The following ZFPM2 variants were observed in gnomAD, a reference collection of about 807,000 sequenced individuals.
The protein encoded by ZFPM2 is zinc finger protein, FOG family member 2, also known as zinc finger protein ZFPM2.
Under a neutral mutation model 98.6 loss-of-function variants are expected in ZFPM2, and 20 were observed. The observed-to-expected ratio is 0.20, with a 90% CI of 0.14 to 0.29. The LOEUF is 0.29. ZFPM2 is among the 10% of genes least tolerant of loss of function. The probability of loss-of-function intolerance (pLI) is 1.00; values close to 1 mark genes in which losing one functional copy is unlikely to be tolerated. For missense variants in ZFPM2, 1,310 were observed against 1,388.6 expected (o/e 0.94, Z 0.90); for synonymous variants, 518 against 502.7 (o/e 1.03, Z -0.41).
At chr8:105,789,073 T>A (rs1437613467) in intron 6 of ZFPM2, 149 bp downstream of exon 6, 1 of 669,906 alleles carries the variant, frequency 1.5e-6, no homozygotes, top group East Asian at 2.8e-5. Flanking sequence ...ATATTTAATT[T>A]GAGAAAATGA....
intron 4 of ZFPM2, among the ~76,000 whole-genome samples, chr8:105,617,885 A>G (rs1263371415): frequency 6.6e-6 from 1 of 152,176 alleles, no homozygotes; most frequent in Non-Finnish European, 1.5e-5. Flanking sequence ...AAAATATTAA[A>G]AAGTATTCGC....
At chr8:105,482,245 C>G (rs1221020516) in intron 3 of ZFPM2, among the ~76,000 whole-genome samples, 2 of 152,164 alleles carry the variant, frequency 1.3e-5, no homozygotes, top group African/African-American at 2.4e-5. Flanking sequence ...TCTAATTACT[C>G]TATCCTTAAT....
intron 1 of ZFPM2, among the ~76,000 whole-genome samples, chr8:105,393,326 C>CTCTCTGCCTTTCTTTCTTTCTTTCTT (rs1811145229): frequency 9.4e-6 from 1 of 106,088 alleles, no homozygotes; most frequent in Non-Finnish European, 1.9e-5. Context: ...CCTTCCCTCT[C>CTCTCTGCCTTTCTTTCTTTCTTTCTT]TCTCTCTTTG....
intron 1 of ZFPM2, among the ~76,000 whole-genome samples, chr8:105,377,805 G>A (rs912276028): frequency 6.6e-6 from 1 of 151,660 alleles, no homozygotes; most frequent in Admixed American, 6.6e-5. Flanking sequence ...AAAAATGAAC[G>A]ACTGAATGAA....
intron 5 of ZFPM2, among the ~76,000 whole-genome samples, chr8:105,783,575 C>T (rs575315739): frequency 2.6e-5 from 4 of 152,246 alleles, no homozygotes; most frequent in Non-Finnish European, 5.9e-5. Flanking sequence ...TGGCAACCAC[C>T]ATTCTACTTT....
At chr8:105,377,038 C>T (rs1417064209) in intron 1 of ZFPM2, among the ~76,000 whole-genome samples, 1 of 152,174 alleles carries the variant, frequency 6.6e-6, no homozygotes, top group East Asian at 1.9e-4. Flanking sequence ...CCATGTGGCT[C>T]TTTCTCAGAC....
chr8:105,677,355 G>A (rs1810495216), intron 5 of ZFPM2, among the ~76,000 whole-genome samples: 1 of 151,944 alleles, frequency 6.6e-6, no homozygotes, highest in Non-Finnish European at 1.5e-5. Flanking sequence ...GGTTCAAAGA[G>A]GTTTAGTAAA....
chr8:105,428,991 G>T (rs1811965320), intron 2 of ZFPM2, among the ~76,000 whole-genome samples: 1 of 152,178 alleles, frequency 6.6e-6, no homozygotes. Flanking sequence ...AGCAGAGACG[G>T]AAAGTGGAAT....
chr8:105,420,188 G>A (rs1373331816), intron 2 of ZFPM2, among the ~76,000 whole-genome samples: 1 of 152,046 alleles, frequency 6.6e-6, no homozygotes, highest in Non-Finnish European at 1.5e-5. Flanking sequence ...AGACATGTTT[G>A]TTTTTTATGC....
chr8:105,348,084 G>A (rs765198687), intron 1 of ZFPM2, among the ~76,000 whole-genome samples: 1 of 152,176 alleles, frequency 6.6e-6, no homozygotes, highest in Non-Finnish European at 1.5e-5. Context: ...ATAGAAGCAA[G>A]TTCTAACAGT....
At chr8:105,533,691 TTCCCTCCCTCCCTCCCTCCTTACTTTC>T (rs1814347585) in intron 3 of ZFPM2, among the ~76,000 whole-genome samples, 1 of 115,182 alleles carries the variant, frequency 8.7e-6, no homozygotes. Flanking sequence ...CCCTCCGTCC[TTCCCTCCCTCCCTCCCTCCTTACTTTC>T]TCCCTCCCTC....
chr8:105,390,392 C>T (rs541339968), intron 1 of ZFPM2, among the ~76,000 whole-genome samples: 3 of 152,140 alleles, frequency 2.0e-5, no homozygotes, highest in East Asian at 3.9e-4. Flanking sequence ...TGAAGACATA[C>T]GTAGGGCAAG....
At chr8:105,790,066 C>T (rs1220367212) in intron 6 of ZFPM2, among the ~76,000 whole-genome samples, 4 of 151,352 alleles carry the variant, frequency 2.6e-5, no homozygotes, top group African/African-American at 7.3e-5. Context: ...GTTTCTTTTG[C>T]TGTGCAGAAG....
rs1463296481 is a variant in ZFPM2 at position 105,800,923 on chromosome 8, G to A, written c.965-124G>A. 209 of 891,108 alleles carry A rather than the reference G, an allele frequency of 2.3e-4. 1 individual carries two copies. The highest frequency in any genetic ancestry group is 1.7e-4 in the East Asian group (7 of 40,568). 55.2% of individuals were successfully genotyped at this position (891,108 alleles called of 1,614,324 possible). A position where few individuals can be genotyped will look rare whatever the true frequency, so the allele number is the denominator to read the frequency against. ...GTCACAAGAAAACAGTTAATATCAC[G>A]AATGAAATTTTGAAAGATTTCATTC... is the stretch of plus-strand genomic sequence containing the variant. On this transcript the variant is annotated intron_variant, in intron 7 of 7. Transcript: ENST00000407775.
chr8:105,724,412 C>T (rs950124783), intron 5 of ZFPM2, among the ~76,000 whole-genome samples: 5 of 151,828 alleles, frequency 3.3e-5, no homozygotes, highest in Non-Finnish European at 7.4e-5. Context: ...TCCAGTATCA[C>T]TAGTGATGCT....
intron 3 of ZFPM2, among the ~76,000 whole-genome samples, chr8:105,545,856 T>C (rs184668939): frequency 6.7e-4 from 102 of 152,346 alleles, no homozygotes; most frequent in Non-Finnish European, 5.7e-4. Context: ...TTTTTACTAA[T>C]GCATAAGTGC....
chr8:105,352,137 C>G (rs1350407565), intron 1 of ZFPM2, among the ~76,000 whole-genome samples: 2 of 152,170 alleles, frequency 1.3e-5, no homozygotes, highest in Non-Finnish European at 2.9e-5. Flanking sequence ...ACTTCCTAAA[C>G]TTCATGCATC....
intron 4 of ZFPM2, among the ~76,000 whole-genome samples, chr8:105,573,100 G>A (rs1168207013): frequency 6.6e-6 from 1 of 152,152 alleles, no homozygotes; most frequent in Non-Finnish European, 1.5e-5. Context: ...AGCTAGTGGA[G>A]GATCTGCTTA....
chr8:105,667,136 G>T (rs572854767), intron 5 of ZFPM2, among the ~76,000 whole-genome samples: 20 of 152,224 alleles, frequency 1.3e-4, no homozygotes, highest in Admixed American at 1.1e-3. Flanking sequence ...ATGAAAAGAA[G>T]CCTATCGCTT....
Sources: gnomAD v4.1 joint callset for allele counts (sites outside exome capture counted in the v4.1 genomes callset) on GRCh38, gnomAD v4.1.1 for gene constraint, MANE v1.5 for transcripts, NCBI Gene and HGNC (gene_info 2026-07-23, HGNC 2026-07-21) for gene names.